The following XIRP2 variants were observed in gnomAD, a reference collection of about 807,000 sequenced individuals.
XIRP2 encodes the protein xin actin binding repeat containing 2.
A neutral mutation model predicts 277.0 loss-of-function variants in XIRP2; 236 were observed. The ratio of observed to expected loss-of-function variants is 0.85; its 90% CI spans 0.77 to 0.95. The LOEUF is 0.95. XIRP2 is among the 40% of genes least tolerant of loss of function. The pLI, the probability that XIRP2 is intolerant of heterozygous loss-of-function variation, is 0.00. For synonymous variants in XIRP2, 1,490 were observed against 1,416.5 expected (o/e 1.05, Z -1.17); for missense variants, 4,640 against 4,157.5 (o/e 1.12, Z -3.19).
intron 2 of XIRP2, among the ~76,000 whole-genome samples, chr2:166,980,743 T>C (rs1686842462): frequency 6.6e-6 from 1 of 152,204 alleles, no homozygotes; most frequent in Non-Finnish European, 1.5e-5. Flanking sequence ...ATGTTTGTAA[T>C]ACTAATGTAG....
chr2:167,090,127 A>G lies in XIRP2; in HGVS notation c.409-45782A>G, dbSNP rs530583847. Among the ~76,000 whole-genome samples the G allele has an allele frequency of 1.5e-4, 23 of 152,242 alleles. No individual in the cohort carries two copies. The South Asian group carries it at 2.9e-3, about 19-fold the overall frequency. The stretch of plus-strand genomic sequence containing the variant: ...TAATTGTGTCTTTATGAACTTACTG[A>G]AGGCATCTTGGGGGTCCCTTAGACT... On this transcript the variant is annotated intron_variant, in intron 2 of 10. Transcript: ENST00000409195.
chr2:167,143,944 T>G (rs1691796064), intron 3 of XIRP2, among the ~76,000 whole-genome samples: 1 of 152,142 alleles, frequency 6.6e-6, no homozygotes, highest in Admixed American at 6.5e-5. Flanking sequence ...GTATTTTTAT[T>G]TTCAAGAGTT....
At chr2:167,069,641 C>T (rs755467371) in intron 2 of XIRP2, among the ~76,000 whole-genome samples, 33 of 152,068 alleles carry the variant, frequency 2.2e-4, no homozygotes, top group Non-Finnish European at 3.8e-4. Context: ...CCTGCTGCCC[C>T]GACCCCGACC....
rs184856211 is a variant in XIRP2 at position 166,911,334 on chromosome 2, T to A, written c.408+7444T>A. On this transcript the variant is annotated intron_variant, in intron 2 of 10. Transcript: ENST00000409195. ...CATATATATTTAGAGTAGTTAGCTC[T>A]TCTCGTTGAATTGATCCCTTTACCA... Among the ~76,000 whole-genome samples the A allele has an allele frequency of 9.8e-5, 15 of 152,326 alleles. No homozygotes were observed. In the East Asian group the frequency reaches 1.5e-3, roughly 16 times the overall value.
chr2:167,251,175 A>C lies in XIRP2; in HGVS notation c.9783A>C (p.Glu3261Asp), dbSNP rs768479680. 1 of 1,613,534 alleles carries C rather than the reference A, an allele frequency of 6.2e-7. No homozygotes were observed. The highest frequency in any genetic ancestry group is 2.2e-5 in the East Asian group (1 of 44,840). Residue 3261 changes from glutamate (E) to aspartate (D), a missense_variant, in exon 9 of 11, where the codon GAA becomes GAC. Glu to Asp is a conservative substitution (Grantham distance 45, BLOSUM62 2). Transcript: ENST00000409195. ...SFRESVDAQE[E>D]IRKVEKRATY... Reference sequence around the variant, plus strand: ...GAGAATCTGTGGACGCTCAAGAGGAAATCAGGAAAGTGGAGAAGAGAGCTA... The same window carrying C: ...GAGAATCTGTGGACGCTCAAGAGGACATCAGGAAAGTGGAGAAGAGAGCTA...
At chr2:167,164,394 C>T (rs2105343601) in intron 3 of XIRP2, among the ~76,000 whole-genome samples, 1 of 124,664 alleles carries the variant, frequency 8.0e-6, no homozygotes, top group East Asian at 2.5e-4. Context: ...TGCAGTCAGC[C>T]AAGATAGCGC....
At chr2:167,067,968 C>T (rs1344004311) in intron 2 of XIRP2, among the ~76,000 whole-genome samples, 1 of 152,144 alleles carries the variant, frequency 6.6e-6, no homozygotes, top group African/African-American at 2.4e-5. Context: ...TGTACATCTC[C>T]AAAATTCTCT....
intron 2 of XIRP2, among the ~76,000 whole-genome samples, chr2:166,957,126 T>C (rs1430811166): frequency 1.3e-5 from 2 of 151,768 alleles, no homozygotes; most frequent in Non-Finnish European, 2.9e-5. Flanking sequence ...GTTTCCATGT[T>C]GTGCCTCATT....
chr2:167,208,103 A>G (rs1247688702), intron 3 of XIRP2, among the ~76,000 whole-genome samples: 2 of 152,184 alleles, frequency 1.3e-5, no homozygotes, highest in African/African-American at 4.8e-5. Context: ...ATTTTGGATT[A>G]CTCGTCTGCA....
chr2:167,096,435 C>T, intron 2 of XIRP2, among the ~76,000 whole-genome samples: 1 of 151,950 alleles, frequency 6.6e-6, no homozygotes, highest in East Asian at 1.9e-4. Flanking sequence ...TGATTCTTCC[C>T]TCTTTTATTC....
Position 166,888,568 on chromosome 2 carries a change from C to T in XIRP2, c.-19+11C>T, listed in dbSNP as rs1408052875. The T allele has an allele frequency of 6.6e-6, 1 of 152,106 alleles. No homozygotes were observed. The highest frequency in any genetic ancestry group is 1.5e-5 in the Non-Finnish European group (1 of 68,018). 9.4% of individuals were successfully genotyped at this position (152,106 alleles called of 1,614,324 possible). On this transcript the variant is annotated intron_variant, in intron 1 of 10. Transcript: ENST00000409195. The stretch of plus-strand genomic sequence containing the variant: ...ACATGTAGAAAAAAGGTAAGATTTT[C>T]CTAAGAAAAACCACTTCTTTCATAA...
chr2:167,061,453 T>A (rs974437467), intron 2 of XIRP2, among the ~76,000 whole-genome samples: 1 of 152,164 alleles, frequency 6.6e-6, no homozygotes. Flanking sequence ...AAGCATTTGA[T>A]CTTTTACCAT....
rs185838605 is a variant in XIRP2, at chr2:167,025,290, C to T, written c.409-110619C>T. ...ATGGTAGTTTGTATTTCTGTGGGATCGGTGGTAATATCCCCTTTATCATTT... is the reference window on the plus strand; with the variant it reads ...ATGGTAGTTTGTATTTCTGTGGGATTGGTGGTAATATCCCCTTTATCATTT... On this transcript the variant is annotated intron_variant, in intron 2 of 10. Transcript: ENST00000409195. Among the ~76,000 whole-genome samples, 537 of 152,150 alleles carry T rather than the reference C, an allele frequency of 3.5e-3. 2 individuals are homozygous for T. Among genetic ancestry groups the T allele is most frequent in the African/African-American group, 0.01 (421 of 41,534 alleles).
intron 3 of XIRP2, among the ~76,000 whole-genome samples, chr2:167,143,180 G>C (rs1326382056): frequency 1.3e-5 from 2 of 152,178 alleles, no homozygotes; most frequent in East Asian, 3.9e-4. Context: ...CCCTGTGCTT[G>C]GCACTGGGGC....
At chr2:167,135,628 C>T (rs1444544676) in intron 2 of XIRP2, among the ~76,000 whole-genome samples, 1 of 152,038 alleles carries the variant, frequency 6.6e-6, no homozygotes, top group African/African-American at 2.4e-5. Flanking sequence ...TATTGTGACC[C>T]TTATTTCCAC....
intron 2 of XIRP2, among the ~76,000 whole-genome samples, chr2:166,904,187 G>A (rs1352044156): frequency 6.6e-6 from 1 of 152,064 alleles, no homozygotes; most frequent in Admixed American, 6.6e-5. Flanking sequence ...ATTCCTTAGA[G>A]GCAGGAACAA....
chr2:167,253,648 G>A (rs1170891124), intron 9 of XIRP2, among the ~76,000 whole-genome samples: 2 of 151,558 alleles, frequency 1.3e-5, no homozygotes, highest in Admixed American at 6.6e-5. Flanking sequence ...ACAATGATAA[G>A]TTATCTCAGA....
In XIRP2 at chr2:167,007,699, TCTCTCA is replaced by T. The variant is rs1292303621; in HGVS notation, c.408+103811_408+103816del. 5.2e-3 allele frequency among the ~76,000 whole-genome samples: 636 copies of T among 123,398 alleles called. 28 individuals are homozygous for T. The East Asian group carries it at 0.12, about 22-fold the overall frequency. 81.0% of individuals were successfully genotyped at this position (123,398 alleles called of 152,430 possible). A position where few individuals can be genotyped will look rare whatever the true frequency, so the allele number is the denominator to read the frequency against. ...TGTACACTCTCTCTCTCTCTCTCTC[TCTCTCA>T]CACACACACACACACACACACACAC... On this transcript the variant is annotated intron_variant, in intron 2 of 10. Transcript: ENST00000409195.
chr2:167,086,375 A>G (rs1420108688), intron 2 of XIRP2, among the ~76,000 whole-genome samples: 1 of 151,572 alleles, frequency 6.6e-6, no homozygotes, highest in Non-Finnish European at 1.5e-5. Flanking sequence ...TGCCCTTCAC[A>G]TTTTTTCCTT....
Sources: gnomAD v4.1 joint callset for allele counts (sites outside exome capture counted in the v4.1 genomes callset) on GRCh38, gnomAD v4.1.1 for gene constraint, MANE v1.5 for transcripts, NCBI Gene and HGNC (gene_info 2026-07-23, HGNC 2026-07-21) for gene names.